The following SSR4 variants were observed in gnomAD, a reference collection of about 807,000 sequenced individuals.
SSR4 encodes translocon-associated protein subunit delta.
For missense variants in SSR4, 125 were observed against 148.8 expected (o/e 0.84, Z 0.83); for synonymous variants, 84 against 65.6 (o/e 1.28, Z -1.35).
chrX:153,794,346 C>A, upstream of SSR4: 7 of 1,185,155 alleles, frequency 5.9e-6, no homozygotes, highest in South Asian at 1.8e-5. Context: ...TGAGAGCCTC[C>A]GCACGTCCCG....
chrX:153,794,932 G>A (rs1198754065), intron 1 of SSR4, 178 bp downstream of exon 1: 8 of 527,663 alleles, frequency 1.5e-5, no homozygotes, highest in Non-Finnish European at 2.4e-5. Flanking sequence ...CACGTTTACC[G>A]GCAGCCAGGC....
chrX:153,794,237 C>T, upstream of SSR4: 5 of 1,184,069 alleles, frequency 4.2e-6, no homozygotes, highest in Non-Finnish European at 4.5e-6. Flanking sequence ...TGGCTCTTTC[C>T]CTGCTCACCT....
At position 153,794,684 on chromosome X, in the gene SSR4, G is replaced by A. The variant is rs1399167450; in HGVS notation, c.-4G>A. On this transcript the variant is annotated 5_prime_UTR_variant, in exon 1 of 6. Coordinates refer to ENST00000370086, the MANE Select transcript of SSR4 (RefSeq NM_006280.3). ...TTTCTTTTCCTCTAGGCAGAGAAGA[G>A]GCGATGGCGGCGATGGCATCTCTCG... The A allele has an allele frequency of 4.1e-6, 5 of 1,211,421 alleles. No homozygotes were observed. The highest frequency in any genetic ancestry group is 5.6e-6 in the Non-Finnish European group (5 of 895,354).
At position 153,797,861 on chromosome X, in the gene SSR4, G is replaced by C. The variant is rs1557073052; in HGVS notation, c.351+47G>C. The C allele has an allele frequency of 4.7e-6, 5 of 1,070,830 alleles. No individual in the cohort carries two copies. In the Admixed American group the frequency reaches 1.3e-4, roughly 27 times the overall value. The allele number at this position is 1,070,830 out of a possible 1,213,427, so 88.2% of individuals were successfully genotyped here. ...TGTGCTCCCCTGTCCCTGGGGAGCAGGATGGGCTGGGTTGGGAGGTGCTGG... is the reference window on the plus strand; with the variant it reads ...TGTGCTCCCCTGTCCCTGGGGAGCACGATGGGCTGGGTTGGGAGGTGCTGG... On this transcript the variant is annotated intron_variant, in intron 4 of 5. Transcript: ENST00000370086.
chrX:153,798,362 G>T lies in SSR4; in HGVS notation c.451G>T (p.Val151Leu). 5 of 1,207,543 alleles carry T rather than the reference G, an allele frequency of 4.1e-6. No homozygotes were observed. Among genetic ancestry groups the T allele is most frequent in the Non-Finnish European group, 5.6e-6 (5 of 893,303 alleles). Reference protein sequence around the residue: ...TWNGPWVSTEVLAAAIGLVIY... With the variant: ...TWNGPWVSTELLAAAIGLVIY... ...GAACGGGCCCTGGGTGTCCACTGAG[G>T]TGCTGGCTGCGGCGATCGGCCTTGT... The change falls in exon 6 of 6, where the codon GTG becomes TTG. Residue 151 changes from valine to leucine, a missense_variant. Val to Leu is a conservative substitution (Grantham distance 32). Transcript: ENST00000370086.
chrX:153,797,752 G>T lies in SSR4; in HGVS notation c.289G>T (p.Ala97Ser). 3.3e-6 allele frequency: 4 copies of T among 1,210,462 alleles called. No individual in the cohort carries two copies. Among genetic ancestry groups the T allele is most frequent in the Non-Finnish European group, 3.4e-6 (3 of 895,045 alleles). ...GTCCTGGAGCCTGGACCACAAGAGC[G>T]CCCACGCAGGCACCTATGAGGTTAG... is the stretch of plus-strand genomic sequence containing the variant. ...QVSWSLDHKS[A>S]HAGTYEVRFF... is the part of the protein sequence containing the mutation. Residue 97 changes from alanine to serine, a missense_variant, in exon 4 of 6, where the codon GCC (alanine) becomes TCC (serine). Ala to Ser is a moderately conservative substitution (Grantham distance 99). Transcript: ENST00000370086.
At chrX:153,798,017 C>T (rs1252749473) in intron 4 of SSR4, 54 bp from the exon 5 acceptor site, 3 of 922,353 alleles carry the variant, frequency 3.3e-6, no homozygotes, top group Non-Finnish European at 3.1e-6. Flanking sequence ...CCCTCCCCAC[C>T]CCCACACGCC....
At chrX:153,795,051 G>GCCTTGCTGCCTGCAACGTTTT (rs2148448679) in intron 1 of SSR4, 1 of 358,809 alleles carries the variant, frequency 2.8e-6, no homozygotes, top group African/African-American at 2.6e-5. Context: ...GCTCCCTGCG[G>GCCTTGCTGCCTGCAACGTTTT]GGTCGGACCG....
At chrX:153,796,620 C>T (rs782430367) in intron 2 of SSR4, 68 bp downstream of exon 2, 8 of 814,606 alleles carry the variant, frequency 9.8e-6, no homozygotes, top group South Asian at 6.4e-5. Flanking sequence ...TGATGGGGGA[C>T]CTGTGTCGAT....
At chrX:153,795,865 C>A in intron 1 of SSR4, 2 of 752,345 alleles carry the variant, frequency 2.7e-6, no homozygotes, top group South Asian at 6.7e-5. Context: ...AGGCAAGGTC[C>A]TTTCTCTCAC....
intron 3 of SSR4, 60 bp downstream of exon 3, chrX:153,797,592 C>A (rs782127991): frequency 8.7e-7 from 1 of 1,153,284 alleles, no homozygotes; most frequent in Non-Finnish European, 1.2e-6. Context: ...GACCTGAAGC[C>A]CCAGGGGTGG....
At chrX:153,794,523 C>G (rs1557071576), upstream of SSR4, 1 of 1,163,203 alleles carries the variant, frequency 8.6e-7, no homozygotes, top group Non-Finnish European at 1.1e-6. Context: ...AGCTGGGCCC[C>G]TGGCTCAGGG....
chrX:153,797,110 C>T, intron 2 of SSR4: 1 of 266,033 alleles, frequency 3.8e-6, no homozygotes, highest in Non-Finnish European at 6.7e-6. Flanking sequence ...GGGTAAAGCA[C>T]CCCTTGGGCA....
rs781966565 is a variant in SSR4 at position 153,794,695 on chromosome X, C to T, written c.8C>T (p.Ala3Val). The change falls in exon 1 of 6, where the codon GCG (alanine) becomes GTG (valine). Residue 3 changes from alanine to valine, a missense_variant. Transcript: ENST00000370086. Reference sequence around the variant, plus strand: ...CTAGGCAGAGAAGAGGCGATGGCGGCGATGGCATCTCTCGGCGCCCTGGCG... The same window carrying T: ...CTAGGCAGAGAAGAGGCGATGGCGGTGATGGCATCTCTCGGCGCCCTGGCG... MA[A>V]MASLGALALL... 3 of 1,212,267 alleles carry T rather than the reference C, an allele frequency of 2.5e-6. No individual in the cohort carries two copies. The highest frequency in any genetic ancestry group is 1.1e-6 in the Non-Finnish European group (1 of 895,488).
At chrX:153,797,612 C>G in intron 3 of SSR4, 80 bp downstream of exon 3, 1 of 1,126,351 alleles carries the variant, frequency 8.9e-7, no homozygotes, top group Non-Finnish European at 1.2e-6. Context: ...GCCGGTCAAC[C>G]AGGGCCAGGG....
chrX:153,794,651 G>A (rs782234497), upstream of SSR4: 62 of 1,210,853 alleles, frequency 5.1e-5, no homozygotes, highest in Admixed American at 2.4e-4. Context: ...GTGTTCATGG[G>A]AGCTCGTTTT....
At position 153,797,759 on chromosome X, in the gene SSR4, C is replaced by T; in HGVS notation, c.296C>T (p.Ala99Val). 2 of 1,210,809 alleles carry T rather than the reference C, an allele frequency of 1.7e-6. No homozygotes were observed. The highest frequency in any genetic ancestry group is 2.2e-6 in the Non-Finnish European group (2 of 895,146). Residue 99 changes from alanine to valine, a missense_variant, in exon 4 of 6, where the codon GCA becomes GTA. Transcript: ENST00000370086. ...SWSLDHKSAH[A>V]GTYEVRFFDE... ...AGCCTGGACCACAAGAGCGCCCACG[C>T]AGGCACCTATGAGGTTAGATTCTTC... is the stretch of plus-strand genomic sequence containing the variant.
chrX:153,798,000 T>TCC, intron 4 of SSR4, 71 bp from the exon 5 acceptor site: 1 of 704,003 alleles, frequency 1.4e-6, no homozygotes, highest in Non-Finnish European at 2.3e-6. Flanking sequence ...TACCTGTCTT[T>TCC]CCCCTCCCCT....
chrX:153,795,040 C>G (rs1185652196), intron 1 of SSR4: 1 of 370,329 alleles, frequency 2.7e-6, no homozygotes, highest in Non-Finnish European at 4.7e-6. Context: ...TCCCGGCTCC[C>G]GCTCCCTGCG....
Sources: allele counts gnomAD v4.1 joint callset, GRCh38; gene constraint gnomAD v4.1.1; transcripts MANE v1.5; gene names NCBI Gene and HGNC (gene_info 2026-07-23, HGNC 2026-07-21).